The following TNR variants were observed in gnomAD, a reference collection of about 807,000 sequenced individuals.
TNR encodes tenascin-R.
In TNR, 45 loss-of-function variants were observed where a neutral mutation model predicts 150.4. The observed-to-expected ratio is 0.30, with a 90% CI of 0.24 to 0.38. TNR has a LOEUF of 0.38. TNR is among the 10% of genes least tolerant of loss of function. TNR has a pLI of 1.00. For missense variants in TNR, 1,544 were observed against 1,759.1 expected, an observed-to-expected ratio of 0.88 and a Z score of 2.19; for synonymous variants, 687 against 678.4, an observed-to-expected ratio of 1.01 and a Z score of -0.20.
At chr1:175,417,406 G>T (rs1393789098) in intron 2 of TNR, among the ~76,000 whole-genome samples, 1 of 152,064 alleles carries the variant, frequency 6.6e-6, no homozygotes, top group Non-Finnish European at 1.5e-5. Flanking sequence ...ATGAAAGGAA[G>T]TATGGCTGCT....
chr1:175,323,358 C>T lies in TNR; in HGVS notation c.4076G>A (p.Ter1359=), dbSNP rs1243277979. Residue 1359 remains the stop codon, a stop_retained_variant, in exon 23 of 23, where the codon TGA becomes TAA. Transcript: ENST00000367674. ...AGRKRQSLQF[*] ...GGTTGGCTTGCAGCCGCCCACTGCT[C>T]AGAACTGTAAGGACTGCCGTTTTCT... 1.2e-6 allele frequency: 2 copies of T among 1,613,986 alleles called. No individual in the cohort carries two copies. Among genetic ancestry groups the T allele is most frequent in the Admixed American group, 3.3e-5 (2 of 60,000 alleles).
chr1:175,469,475 G>C (rs1250627679), intron 2 of TNR, among the ~76,000 whole-genome samples: 1 of 152,072 alleles, frequency 6.6e-6, no homozygotes, highest in Non-Finnish European at 1.5e-5. Context: ...AGAGAGTTTT[G>C]AACTGGACCC....
intron 1 of TNR, among the ~76,000 whole-genome samples, chr1:175,578,138 G>T (rs1243630906): frequency 2.0e-5 from 3 of 152,160 alleles, no homozygotes; most frequent in African/African-American, 7.2e-5. Flanking sequence ...TGTGTGCCTG[G>T]CTGAGCAGGG....
chr1:175,578,530 G>A (rs1341305881), intron 1 of TNR, among the ~76,000 whole-genome samples: 1 of 152,118 alleles, frequency 6.6e-6, no homozygotes, highest in Non-Finnish European at 1.5e-5. Context: ...ATACAGAGGG[G>A]GAGCATTACC....
chr1:175,404,136 C>CAT (rs1653846617), intron 3 of TNR, among the ~76,000 whole-genome samples: 1 of 152,156 alleles, frequency 6.6e-6, no homozygotes, highest in Non-Finnish European at 1.5e-5. Flanking sequence ...CCCAGCCCCT[C>CAT]ATTCTCTCTC....
chr1:175,367,272 T>A lies in TNR; in HGVS notation c.1989A>T (p.Gly663=), dbSNP rs1651889577. ...AGTTCATGACGGCAGATATTCCAAC[T>A]CCATACTCAGTGCCAGGTACCAGAT... ...LTDLVPGTEY[G]VGISAVMNSQ... Residue 663 remains glycine (G), a synonymous_variant, in exon 10 of 23, where the codon GGA becomes GGT. Coordinates refer to ENST00000367674, the MANE Select transcript of TNR (RefSeq NM_003285.3). The A allele has an allele frequency of 1.9e-6, 3 of 1,613,986 alleles. No individual in the cohort carries two copies. The highest frequency in any genetic ancestry group is 1.7e-5 in the Admixed American group (1 of 59,996).
chr1:175,500,571 T>C (rs1658690461), intron 2 of TNR, among the ~76,000 whole-genome samples: 2 of 152,122 alleles, frequency 1.3e-5, no homozygotes, highest in Admixed American at 1.3e-4. Context: ...TGTGTTTGAC[T>C]TCTGTGCTTT....
chr1:175,369,378 C>T (rs1301459417), intron 9 of TNR, among the ~76,000 whole-genome samples: 3 of 152,112 alleles, frequency 2.0e-5, no homozygotes, highest in Non-Finnish European at 4.4e-5. Context: ...GCCAGCACTC[C>T]CTGGCATTCC....
intron 1 of TNR, among the ~76,000 whole-genome samples, chr1:175,637,026 A>G (rs1664509712): frequency 6.6e-6 from 1 of 152,236 alleles, no homozygotes; most frequent in Non-Finnish European, 1.5e-5. Context: ...CAGTTTGGAA[A>G]TTCTCTAGTT....
intron 1 of TNR, among the ~76,000 whole-genome samples, chr1:175,629,588 G>A (rs1664262088): frequency 6.6e-6 from 1 of 152,168 alleles, no homozygotes; most frequent in African/African-American, 2.4e-5. Flanking sequence ...CAAACCCTGA[G>A]CATCAGAGGG....
chr1:175,641,947 T>G (rs1664677028), intron 1 of TNR, among the ~76,000 whole-genome samples: 2 of 152,156 alleles, frequency 1.3e-5, no homozygotes, highest in Admixed American at 1.3e-4. Context: ...ATCTAATAGG[T>G]GTTAGATACT....
intron 1 of TNR, among the ~76,000 whole-genome samples, chr1:175,691,669 C>A (rs759314753): frequency 6.6e-6 from 1 of 152,076 alleles, no homozygotes; most frequent in Non-Finnish European, 1.5e-5. Flanking sequence ...ATCTCTTTGT[C>A]GGTTTCAATG....
chr1:175,537,170 G>A (rs973396749), intron 1 of TNR, among the ~76,000 whole-genome samples: 1 of 152,160 alleles, frequency 6.6e-6, no homozygotes, highest in Non-Finnish European at 1.5e-5. Context: ...GCACTTAATG[G>A]GTCCTAATTG....
At chr1:175,391,666 T>C (rs946574120) in intron 6 of TNR, among the ~76,000 whole-genome samples, 3 of 152,218 alleles carry the variant, frequency 2.0e-5, no homozygotes, top group Non-Finnish European at 4.4e-5. Context: ...GGAGGATCAA[T>C]TTTTAAGAAC....
intron 1 of TNR, among the ~76,000 whole-genome samples, chr1:175,720,078 A>G (rs1338817266): frequency 6.6e-6 from 1 of 152,176 alleles, no homozygotes; most frequent in Non-Finnish European, 1.5e-5. Flanking sequence ...ACTGTTATAG[A>G]CTGGATGTGT....
chr1:175,398,903 C>T lies in TNR; in HGVS notation c.977-2096G>A, dbSNP rs527734481. Among the ~76,000 whole-genome samples the T allele has an allele frequency of 2.0e-5, 3 of 152,208 alleles. No individual in the cohort carries two copies. In the East Asian group the frequency reaches 5.8e-4, roughly 29 times the overall value. ...GTAGTTCATGTAGAGATAATTATCC[C>T]AGCTTTACCAATGAGGAAACTGAAT... On this transcript the variant is annotated intron_variant, in intron 4 of 22. Coordinates refer to ENST00000367674, the MANE Select transcript of TNR (RefSeq NM_003285.3).
At chr1:175,335,189 C>T (rs1401290397) in intron 20 of TNR, 1 of 152,604 alleles carries the variant, frequency 6.6e-6, no homozygotes, top group African/African-American at 2.4e-5. Flanking sequence ...CATCTCACGC[C>T]AGTTTGGTTC....
At chr1:175,567,772 C>T (rs1297642349) in intron 1 of TNR, among the ~76,000 whole-genome samples, 1 of 152,108 alleles carries the variant, frequency 6.6e-6, no homozygotes, top group Non-Finnish European at 1.5e-5. Context: ...CTAAGCATGG[C>T]CCTCCAACTC....
intron 20 of TNR, among the ~76,000 whole-genome samples, chr1:175,331,078 C>CTTCTTCTTTCTTTCT (rs1557868076): frequency 3.0e-4 from 18 of 59,918 alleles, no homozygotes; most frequent in East Asian, 5.8e-4. Context: ...TCTTTCTTTC[C>CTTCTTCTTTCTTTCT]TTCTTTCTTT....
Sources: gnomAD v4.1 joint callset for allele counts (sites outside exome capture counted in the v4.1 genomes callset) on GRCh38, gnomAD v4.1.1 for gene constraint, MANE v1.5 for transcripts, NCBI Gene and HGNC (gene_info 2026-07-23, HGNC 2026-07-21) for gene names.